NT5C2: variants seen among roughly 807,000 people sequenced by gnomAD.
The protein encoded by NT5C2 is 5'-nucleotidase, cytosolic II.
In NT5C2, 58 loss-of-function variants were observed where a neutral mutation model predicts 76.1. The observed-to-expected ratio is 0.76, with a 90% CI of 0.62 to 0.95. The LOEUF (loss-of-function observed/expected upper bound fraction) is 0.95, where lower values mean the gene tolerates loss of function less well. Ranked by LOEUF, NT5C2 falls within the 40% of genes least tolerant of loss-of-function variation. NT5C2 has a pLI of 0.00. For missense variants in NT5C2, 478 were observed against 690.3 expected (o/e 0.69, Z 3.45); for synonymous variants, 229 against 237.4 (o/e 0.96, Z 0.32).
intron 2 of NT5C2, among the ~76,000 whole-genome samples, chr10:103,176,397 T>C (rs1016393413): frequency 2.0e-5 from 3 of 152,100 alleles, no homozygotes; most frequent in African/African-American, 7.2e-5. Context: ...GTTTTCTTCC[T>C]CGATTCTTTT....
chr10:103,158,652 A>G (rs1305236911), intron 3 of NT5C2, among the ~76,000 whole-genome samples: 1 of 152,012 alleles, frequency 6.6e-6, no homozygotes, highest in African/African-American at 2.4e-5. Flanking sequence ...CCCTGTCTCT[A>G]CTAAAAATAC....
chr10:103,097,221 C>T, intron 11 of NT5C2, 70 bp downstream of exon 11: 2 of 1,152,690 alleles, frequency 1.7e-6, no homozygotes, highest in Non-Finnish European at 2.5e-6. Context: ...CTATCTTCCT[C>T]ATTGTCTTCA....
intron 4 of NT5C2, 78 bp from the exon 5 acceptor site, chr10:103,106,784 C>T (rs1018269594): frequency 2.2e-6 from 2 of 913,878 alleles, no homozygotes; most frequent in Non-Finnish European, 3.6e-6. Context: ...TGAATTTCTG[C>T]TCTTTCCCAG....
intron 3 of NT5C2, chr10:103,146,527 T>C (rs910801625): frequency 1.5e-6 from 1 of 674,774 alleles, no homozygotes; most frequent in Non-Finnish European, 1.8e-6. Flanking sequence ...AATTATGAAC[T>C]AAAAAGTATG....
intron 1 of NT5C2, among the ~76,000 whole-genome samples, chr10:103,181,610 T>C (rs1383030695): frequency 6.6e-6 from 1 of 152,182 alleles, no homozygotes; most frequent in African/African-American, 2.4e-5. Flanking sequence ...ATTTTGTCCC[T>C]CCCATAATTA....
chr10:103,173,222 C>T (rs563197053), intron 3 of NT5C2, among the ~76,000 whole-genome samples: 2 of 152,158 alleles, frequency 1.3e-5, no homozygotes, highest in East Asian at 1.9e-4. Flanking sequence ...TTTGCTAATA[C>T]CCAGAGTTAC....
At position 103,089,686 on chromosome 10, in the gene NT5C2, C is replaced by T; in HGVS notation, c.1672G>A (p.Glu558Lys). ...GGTTTTCCTCCTTATTCTTCCTCCT[C>T]CTCCTCCTCTTCATCATCATCTTCG... ...HDEDDDEEEEEEEE is the reference protein window; with the variant it reads ...HDEDDDEEEEKEEE Residue 558 changes from glutamate to lysine, a missense_variant, in exon 19 of 19, where the codon GAG (glutamate) becomes AAG (lysine). Physicochemically the swap from Glu to Lys is moderately conservative, Grantham distance 56. Coordinates refer to ENST00000404739, the MANE Select transcript of NT5C2 (RefSeq NM_001351169.2). The T allele has an allele frequency of 1.2e-6, 2 of 1,606,410 alleles. No homozygotes were observed. Among genetic ancestry groups the T allele is most frequent in the Non-Finnish European group, 1.7e-6 (2 of 1,176,236 alleles).
chr10:103,100,877 T>G (rs746543283), intron 8 of NT5C2, 168 bp downstream of exon 8: 11 of 696,870 alleles, frequency 1.6e-5, no homozygotes, highest in Non-Finnish European at 2.9e-5. Context: ...AGAGCCTGCA[T>G]GGAGCTGCTG....
chr10:103,166,984 T>C (rs1204972611), intron 3 of NT5C2, among the ~76,000 whole-genome samples: 1 of 151,704 alleles, frequency 6.6e-6, no homozygotes, highest in Non-Finnish European at 1.5e-5. Flanking sequence ...ACTCTTCTTA[T>C]TCCGACAAGA....
At position 103,098,838 on chromosome 10, in the gene NT5C2, T is replaced by C. The variant is rs994950755; in HGVS notation, c.687+93A>G. ...TACTATGCCAAGACAAATCTCTTCT[T>C]TTGTCCATTTCATTATAAATCAGCT... is the stretch of plus-strand genomic sequence containing the variant. On this transcript the variant is annotated intron_variant, in intron 10 of 18. Coordinates refer to ENST00000404739, the MANE Select transcript of NT5C2 (RefSeq NM_001351169.2). The C allele has an allele frequency of 4.5e-6, 4 of 891,084 alleles. No individual in the cohort carries two copies. In the Admixed American group the frequency reaches 7.4e-5, roughly 17 times the overall value. The allele number at this position is 891,084 out of a possible 1,614,324, so 55.2% of individuals were successfully genotyped here.
chr10:103,136,098 C>T (rs2079168773), intron 4 of NT5C2, among the ~76,000 whole-genome samples: 1 of 151,684 alleles, frequency 6.6e-6, no homozygotes, highest in African/African-American at 2.4e-5. Context: ...AAAAAAAAAA[C>T]CCTCTTTCTT....
intron 4 of NT5C2, among the ~76,000 whole-genome samples, chr10:103,132,950 G>A (rs1012322525): frequency 6.6e-6 from 1 of 152,194 alleles, no homozygotes; most frequent in African/African-American, 2.4e-5. Flanking sequence ...ATAAAAACAT[G>A]CTGAGCAAAA....
intron 2 of NT5C2, chr10:103,175,477 GC>G: frequency 6.2e-6 from 1 of 161,318 alleles, no homozygotes; most frequent in Non-Finnish European, 1.4e-5. Flanking sequence ...CCCTCTGCCT[GC>G]CCAGCCAACC....
chr10:103,096,538 C>A (rs893256371), intron 11 of NT5C2, among the ~76,000 whole-genome samples: 1 of 152,078 alleles, frequency 6.6e-6, no homozygotes, highest in African/African-American at 2.4e-5. Flanking sequence ...TGGGAAAAAA[C>A]TGTTTTTAAG....
intron 3 of NT5C2, among the ~76,000 whole-genome samples, chr10:103,167,733 G>A (rs1242322292): frequency 1.3e-5 from 2 of 151,744 alleles, no homozygotes; most frequent in Non-Finnish European, 2.9e-5. Flanking sequence ...CCAGGCACAA[G>A]CAATCCTCCC....
At chr10:103,126,181 CG>C (rs1394032133) in intron 4 of NT5C2, among the ~76,000 whole-genome samples, 1 of 151,522 alleles carries the variant, frequency 6.6e-6, no homozygotes, top group Non-Finnish European at 1.5e-5. Context: ...AAAGAGGCCT[CG>C]AAAAAAGGGA....
intron 1 of NT5C2, among the ~76,000 whole-genome samples, chr10:103,190,957 A>G (rs2135556585): frequency 6.6e-6 from 1 of 152,364 alleles, no homozygotes; most frequent in Admixed American, 6.5e-5. Flanking sequence ...AATAATATGT[A>G]CACAGCAAGT....
At chr10:103,146,189 A>G (rs1282511868) in intron 3 of NT5C2, 1 of 985,310 alleles carries the variant, frequency 1.0e-6, no homozygotes, top group Non-Finnish European at 1.2e-6. Context: ...AAAAGCATGT[A>G]TCTTCCGAGA....
intron 3 of NT5C2, chr10:103,153,358 A>C: frequency 7.9e-7 from 1 of 1,267,498 alleles, no homozygotes; most frequent in South Asian, 1.3e-5. Flanking sequence ...AACAAGCTTC[A>C]CTGATCTCTT....
Sources: gnomAD v4.1 joint callset for allele counts (sites outside exome capture counted in the v4.1 genomes callset) on GRCh38, gnomAD v4.1.1 for gene constraint, MANE v1.5 for transcripts, NCBI Gene and HGNC (gene_info 2026-07-23, HGNC 2026-07-21) for gene names.